The following WNT3A variants were observed in gnomAD, a reference collection of about 807,000 sequenced individuals.
WNT3A encodes the protein protein Wnt-3a.
Under a neutral mutation model 37.0 loss-of-function variants are expected in WNT3A, and 17 were observed. The observed-to-expected ratio is 0.46, with a 90% confidence interval of 0.31 to 0.69. The LOEUF is 0.69. WNT3A is among the 30% of genes least tolerant of loss of function. WNT3A has a pLI of 0.05. For synonymous variants in WNT3A, 187 were observed against 211.0 expected, an observed-to-expected ratio of 0.89 and a Z score of 0.99; for missense variants, 411 against 510.2, an observed-to-expected ratio of 0.81 and a Z score of 1.87.
chr1:228,025,744 A>T (rs551488639), intron 2 of WNT3A, among the ~76,000 whole-genome samples: 1 of 151,220 alleles, frequency 6.6e-6, no homozygotes, highest in African/African-American at 2.4e-5. Context: ...TTTCTTTTTG[A>T]TGCTATTGTC....
At chr1:228,036,295 C>T (rs191597423) in intron 2 of WNT3A, among the ~76,000 whole-genome samples, 3 of 152,124 alleles carry the variant, frequency 2.0e-5, no homozygotes, top group Non-Finnish European at 4.4e-5. Context: ...TACACCCTAG[C>T]GTGTGCATTG....
At position 228,044,142 on chromosome 1, in the gene WNT3A, C is replaced by A. The variant is rs111256381; in HGVS notation, c.314-6514C>A. Among the ~76,000 whole-genome samples, 899 of 152,184 alleles carry A rather than the reference C, an allele frequency of 5.9e-3. 11 individuals carry two copies. Among genetic ancestry groups the A allele is most frequent in the African/African-American group, 0.021 (869 of 41,518 alleles). ...GACTACAGATGCACACCACCATGCC[C>A]AGCTCATTTATGTTTGTTTGTTTTT... On this transcript the variant is annotated intron_variant, in intron 2 of 3. Transcript: ENST00000284523.
In WNT3A at chr1:228,055,203, TATATATATATATATATAC is replaced by T. The variant is rs2031659577; in HGVS notation, c.580-3781_580-3764del. Reference sequence around the variant, plus strand: ...AAATATATATATATATATATATATATATATATATATATATATACACACACACAATAGATTTGGAAAATA... The same window carrying T: ...AAATATATATATATATATATATATATACACACACAATAGATTTGGAAAATA... On this transcript the variant is annotated intron_variant, in intron 3 of 3. Transcript: ENST00000284523. Among the ~76,000 whole-genome samples, 10 of 76,654 alleles carry T rather than the reference TATATATATATATATATAC, an allele frequency of 1.3e-4. 1 individual carries two copies. The Admixed American group carries it at 1.5e-3, about 11-fold the overall frequency. 50.3% of individuals were successfully genotyped at this position (76,654 alleles called of 152,430 possible). A position where few individuals can be genotyped will look rare whatever the true frequency, so the allele number is the denominator to read the frequency against.
chr1:228,036,985 G>T (rs541369084), intron 2 of WNT3A, among the ~76,000 whole-genome samples: 1 of 152,276 alleles, frequency 6.6e-6, no homozygotes, highest in East Asian at 1.9e-4. Flanking sequence ...CCACATGCTC[G>T]GTGCCCTCTA....
chr1:228,011,084 G>C (rs1248566525), intron 1 of WNT3A, among the ~76,000 whole-genome samples: 1 of 152,208 alleles, frequency 6.6e-6, no homozygotes, highest in East Asian at 1.9e-4. Flanking sequence ...CATTGTGGTG[G>C]GGAGACAGCC....
chr1:228,026,207 G>C (rs772929496), intron 2 of WNT3A, among the ~76,000 whole-genome samples: 1 of 151,904 alleles, frequency 6.6e-6, no homozygotes, highest in Admixed American at 6.6e-5. Flanking sequence ...GAGGGTTTTG[G>C]TGAATTGTGT....
At chr1:228,046,065 G>A (rs2031396751) in intron 2 of WNT3A, among the ~76,000 whole-genome samples, 1 of 152,228 alleles carries the variant, frequency 6.6e-6, no homozygotes. Context: ...GCAGGCAGGG[G>A]CACAGCAGGT....
At chr1:228,041,013 A>ATATCTATCTATC (rs6143658) in intron 2 of WNT3A, among the ~76,000 whole-genome samples, 2,476 of 140,802 alleles carry the variant, frequency 0.018, 39 homozygotes, top group African/African-American at 0.035. Context: ...CTACATATCT[A>ATATCTATCTATC]TATCTATCTA....
chr1:228,036,385 G>A (rs141595557), intron 2 of WNT3A, among the ~76,000 whole-genome samples: 1 of 152,188 alleles, frequency 6.6e-6, no homozygotes, highest in Non-Finnish European at 1.5e-5. Context: ...GCATGTGTGT[G>A]TGTGTGTGTG....
chr1:228,057,976 A>G (rs2031713835), intron 3 of WNT3A, among the ~76,000 whole-genome samples: 1 of 152,160 alleles, frequency 6.6e-6, no homozygotes, highest in Non-Finnish European at 1.5e-5. Flanking sequence ...AGCTGGGATC[A>G]CAGGTTCCCG....
At chr1:228,013,213 A>G (rs895634584) in intron 1 of WNT3A, among the ~76,000 whole-genome samples, 8 of 152,016 alleles carry the variant, frequency 5.3e-5, no homozygotes, top group Admixed American at 6.6e-5. Flanking sequence ...ACGCTTGGCT[A>G]GTATTTTTCA....
At chr1:228,052,426 G>A (rs2031575296) in intron 3 of WNT3A, among the ~76,000 whole-genome samples, 1 of 152,196 alleles carries the variant, frequency 6.6e-6, no homozygotes, top group South Asian at 2.1e-4. Flanking sequence ...TTACAGGTGT[G>A]AGCCACCATG....
intron 1 of WNT3A, among the ~76,000 whole-genome samples, chr1:228,009,195 GGCTGGCTCCCT>G (rs2030299598): frequency 6.6e-6 from 1 of 152,048 alleles, no homozygotes; most frequent in South Asian, 2.1e-4. Flanking sequence ...CCTTGGGGGA[GGCTGGCTCCCT>G]GGGGACAAGT....
chr1:228,011,332 G>C (rs1455107874), intron 1 of WNT3A, among the ~76,000 whole-genome samples: 1 of 152,088 alleles, frequency 6.6e-6, no homozygotes, highest in African/African-American at 2.4e-5. Context: ...AGGGATGGTT[G>C]CCACTCCCAG....
At position 228,007,233 on chromosome 1, in the gene WNT3A, T is replaced by C. The variant is rs763729868; in HGVS notation, c.71+34T>C. On this transcript the variant is annotated intron_variant, in intron 1 of 3. Coordinates refer to ENST00000284523, the MANE Select transcript of WNT3A (RefSeq NM_033131.4). This position sits in a 1 kb window ranked among gnomAD's most constrained non-coding sequence, Gnocchi z 6.0. ...GCCTCCTCGCGTTCGCCCCTGCCCC[T>C]GTGCGCCGCGCCCGCAGCAGACGGT... is the stretch of plus-strand genomic sequence containing the variant. 2.5e-6 allele frequency: 4 copies of C among 1,580,406 alleles called. No homozygotes were observed. Among genetic ancestry groups the C allele is most frequent in the Admixed American group, 1.7e-5 (1 of 57,450 alleles).
intron 1 of WNT3A, among the ~76,000 whole-genome samples, chr1:228,016,605 A>T (rs1015892268): frequency 2.0e-5 from 3 of 152,154 alleles, no homozygotes; most frequent in Admixed American, 2.0e-4. Context: ...TCATTTATAA[A>T]TGTTATTTTG....
At chr1:228,046,524 G>A (rs1309631794) in intron 2 of WNT3A, among the ~76,000 whole-genome samples, 1 of 151,098 alleles carries the variant, frequency 6.6e-6, no homozygotes, top group East Asian at 2.0e-4. Flanking sequence ...TCATGTATGT[G>A]TATGTGTTGT....
chr1:228,045,565 A>G (rs1373075451), intron 2 of WNT3A, among the ~76,000 whole-genome samples: 1 of 152,216 alleles, frequency 6.6e-6, no homozygotes, highest in Non-Finnish European at 1.5e-5. Context: ...CTGGAGGCTT[A>G]GAGAGGAAGT....
Position 228,031,721 on chromosome 1 carries a change from T to A in WNT3A, c.313+8813T>A, listed in dbSNP as rs1461720050. ...TGTGCATGTGGCTGTGGCATGCATG[T>A]GCATGCCTATGTGTGCATGTGATGC... On this transcript the variant is annotated intron_variant, in intron 2 of 3. Coordinates refer to ENST00000284523, the MANE Select transcript of WNT3A (RefSeq NM_033131.4). The surrounding 1 kb of genome is among the most constrained non-coding windows in gnomAD (Gnocchi z 4.8). 3.3e-5 allele frequency among the ~76,000 whole-genome samples: 5 copies of A among 152,136 alleles called. No homozygotes were observed. The highest frequency in any genetic ancestry group is 6.5e-5 in the Admixed American group (1 of 15,286).
Sources: allele counts gnomAD v4.1 joint callset (sites outside exome capture counted in the v4.1 genomes callset), GRCh38; gene constraint gnomAD v4.1.1; non-coding constraint Gnocchi (gnomAD v3.1); transcripts MANE v1.5; gene names NCBI Gene and HGNC (gene_info 2026-07-23, HGNC 2026-07-21).